Variants in VEGFC observed in about 807,000 individuals in gnomAD.
VEGFC encodes the protein FLT4 ligand DHM.
Under a neutral mutation model 46.1 loss-of-function variants are expected in VEGFC, and 12 were observed. The observed-to-expected ratio is 0.26, with a 90% CI of 0.17 to 0.42. The LOEUF (loss-of-function observed/expected upper bound fraction) is 0.42, where lower values mean the gene tolerates loss of function less well. Among genes scored for constraint, VEGFC ranks in the 10% least tolerant of loss-of-function variants. VEGFC has a pLI of 1.00. For missense variants in VEGFC, 488 were observed against 529.4 expected (o/e 0.92, Z 0.77); for synonymous variants, 232 against 195.5 (o/e 1.19, Z -1.56).
intron 4 of VEGFC, among the ~76,000 whole-genome samples, chr4:176,692,693 G>A (rs1408212954): frequency 1.3e-5 from 2 of 149,124 alleles, no homozygotes; most frequent in African/African-American, 2.6e-5. Flanking sequence ...CAAACAAAAA[G>A]ACAGAAGTAA....
At chr4:176,761,862 G>A (rs559838188) in intron 1 of VEGFC, among the ~76,000 whole-genome samples, 3 of 152,314 alleles carry the variant, frequency 2.0e-5, no homozygotes, top group African/African-American at 7.2e-5. Flanking sequence ...ACAGCAGAGA[G>A]TGCTAGAATT....
intron 3 of VEGFC, among the ~76,000 whole-genome samples, chr4:176,721,579 C>G (rs1392758721): frequency 6.6e-6 from 1 of 152,140 alleles, no homozygotes; most frequent in African/African-American, 2.4e-5. Context: ...CGTGGAGACA[C>G]TGGATAGGTC....
At chr4:176,724,698 G>A (rs1032140346) in intron 3 of VEGFC, among the ~76,000 whole-genome samples, 1 of 152,232 alleles carries the variant, frequency 6.6e-6, no homozygotes, top group Non-Finnish European at 1.5e-5. Context: ...GAGGAAACAC[G>A]ATGATGCCCA....
intron 1 of VEGFC, among the ~76,000 whole-genome samples, chr4:176,731,205 T>A (rs1734959326): frequency 6.6e-6 from 1 of 151,968 alleles, no homozygotes; most frequent in Non-Finnish European, 1.5e-5. Flanking sequence ...TTACAAAACA[T>A]CCTCTCACAG....
At chr4:176,689,972 T>C (rs1349396686) in intron 4 of VEGFC, among the ~76,000 whole-genome samples, 2 of 152,228 alleles carry the variant, frequency 1.3e-5, no homozygotes, top group Non-Finnish European at 2.9e-5. Flanking sequence ...CCATTCACTA[T>C]AATTGTTCCC....
rs532348000 is a variant in VEGFC at position 176,733,746 on chromosome 4, C to A, written c.148-4000G>T. On this transcript the variant is annotated intron_variant, in intron 1 of 6. Coordinates refer to ENST00000618562, the MANE Select transcript of VEGFC (RefSeq NM_005429.5). ...GTAAATTTCTCCATATGTAATTTCA[C>A]CCTTATTAAAAAGAATAGATCCTAA... 4.0e-5 allele frequency among the ~76,000 whole-genome samples: 6 copies of A among 151,724 alleles called. No homozygotes were observed. In the East Asian group the frequency reaches 9.7e-4, roughly 25 times the overall value.
At chr4:176,745,307 T>G (rs2110885986) in intron 1 of VEGFC, among the ~76,000 whole-genome samples, 1 of 152,224 alleles carries the variant, frequency 6.6e-6, no homozygotes, top group East Asian at 1.9e-4. Context: ...TTAAAAAAAT[T>G]TTCAACTCCC....
chr4:176,755,186 G>A (rs189941450), intron 1 of VEGFC, among the ~76,000 whole-genome samples: 3 of 151,978 alleles, frequency 2.0e-5, no homozygotes, highest in East Asian at 3.9e-4. Flanking sequence ...AATAGCCTGC[G>A]AGCTGTCCAT....
At chr4:176,685,751 T>C (rs887528966) in intron 6 of VEGFC, among the ~76,000 whole-genome samples, 3 of 152,056 alleles carry the variant, frequency 2.0e-5, no homozygotes, top group Non-Finnish European at 4.4e-5. Flanking sequence ...TAGGAATATA[T>C]AGGTAAAATT....
At chr4:176,716,303 A>G (rs1734696638) in intron 3 of VEGFC, among the ~76,000 whole-genome samples, 1 of 152,064 alleles carries the variant, frequency 6.6e-6, no homozygotes, top group Non-Finnish European at 1.5e-5. Flanking sequence ...AGGGCGGGGC[A>G]TGGTGACTCA....
At chr4:176,769,306 G>A (rs1413075906) in intron 1 of VEGFC, among the ~76,000 whole-genome samples, 1 of 152,122 alleles carries the variant, frequency 6.6e-6, no homozygotes, top group South Asian at 2.1e-4. Flanking sequence ...CTGTGACCCT[G>A]TGTGGCATGC....
At chr4:176,696,979 C>T (rs112052324) in intron 4 of VEGFC, among the ~76,000 whole-genome samples, 1 of 150,010 alleles carries the variant, frequency 6.7e-6, no homozygotes, top group African/African-American at 2.5e-5. Context: ...ATACAAAAAT[C>T]AGTTCAAGAT....
chr4:176,754,702 T>C (rs1484335706), intron 1 of VEGFC, among the ~76,000 whole-genome samples: 2 of 152,048 alleles, frequency 1.3e-5, no homozygotes, highest in Non-Finnish European at 2.9e-5. Context: ...CCTTCTGCCA[T>C]GTAGGTAACA....
At chr4:176,750,998 G>T (rs1322359747) in intron 1 of VEGFC, among the ~76,000 whole-genome samples, 2 of 151,604 alleles carry the variant, frequency 1.3e-5, no homozygotes, top group African/African-American at 4.8e-5. Context: ...CAAACTTGTG[G>T]GAAGAAGTTA....
At chr4:176,711,355 T>C (rs45555032) in intron 4 of VEGFC, 144 bp downstream of exon 4, 4 of 934,020 alleles carry the variant, frequency 4.3e-6, no homozygotes, top group Non-Finnish European at 5.9e-6. Context: ...TTGTATACTA[T>C]ACAAAATTTT....
At chr4:176,730,088 A>C (rs1377940624) in intron 1 of VEGFC, among the ~76,000 whole-genome samples, 5 of 152,156 alleles carry the variant, frequency 3.3e-5, no homozygotes, top group Non-Finnish European at 4.4e-5. Flanking sequence ...CACTCTACTA[A>C]ACAGATAAAA....
intron 1 of VEGFC, among the ~76,000 whole-genome samples, chr4:176,752,095 T>C (rs1274040183): frequency 6.6e-6 from 1 of 152,100 alleles, no homozygotes; most frequent in Non-Finnish European, 1.5e-5. Context: ...ATAGTTATTT[T>C]TTTAATTTTC....
intron 4 of VEGFC, among the ~76,000 whole-genome samples, chr4:176,704,562 T>C (rs1437495655): frequency 6.6e-6 from 1 of 152,150 alleles, no homozygotes; most frequent in Non-Finnish European, 1.5e-5. Context: ...ACCTCTTTTC[T>C]TTCTATCCCC....
intron 1 of VEGFC, among the ~76,000 whole-genome samples, chr4:176,773,732 G>C (rs1315238032): frequency 6.6e-6 from 1 of 152,160 alleles, no homozygotes; most frequent in African/African-American, 2.4e-5. Context: ...TCCCAGGCTG[G>C]AGTACAGTGG....
Sources: gnomAD v4.1 joint callset for allele counts (sites outside exome capture counted in the v4.1 genomes callset) on GRCh38, gnomAD v4.1.1 for gene constraint, MANE v1.5 for transcripts, NCBI Gene and HGNC (gene_info 2026-07-23, HGNC 2026-07-21) for gene names.